Variants in CNTN6 observed in about 807,000 individuals in gnomAD.
The protein encoded by CNTN6 is contactin 6, also known as contactin-6.
A neutral mutation model predicts 122.8 loss-of-function variants in CNTN6; 137 were observed. The ratio of observed to expected loss-of-function variants is 1.12; its 90% CI spans 0.97 to 1.29. The LOEUF (loss-of-function observed/expected upper bound fraction) is 1.29. CNTN6 is among the 50% of genes most tolerant of loss of function. The probability of loss-of-function intolerance (pLI) is 0.00; values close to 1 mark genes in which losing one functional copy is unlikely to be tolerated. For missense variants in CNTN6, 1,634 were observed against 1,223.4 expected (o/e 1.34, Z -5.01); for synonymous variants, 570 against 426.0 (o/e 1.34, Z -4.16).
intron 15 of CNTN6, 26 bp from the exon 16 acceptor site, chr3:1,373,898 G>T: frequency 6.3e-7 from 1 of 1,593,272 alleles, no homozygotes; most frequent in Non-Finnish European, 8.6e-7. Flanking sequence ...CCCAACCTAG[G>T]TGCCTTAGTG....
chr3:1,218,833 T>C (rs1363971300), intron 2 of CNTN6, among the ~76,000 whole-genome samples: 1 of 152,048 alleles, frequency 6.6e-6, no homozygotes, highest in Non-Finnish European at 1.5e-5. Context: ...AATACCAATC[T>C]CTAATAAAGG....
At chr3:1,304,284 GT>G (rs758855417) in intron 7 of CNTN6, among the ~76,000 whole-genome samples, 3 of 108,530 alleles carry the variant, frequency 2.8e-5, no homozygotes, top group Non-Finnish European at 4.1e-5. Flanking sequence ...CCAGAAAGAG[GT>G]TTTTTTTTTC....
chr3:1,159,734 G>A (rs1160366664), intron 2 of CNTN6, among the ~76,000 whole-genome samples: 1 of 151,880 alleles, frequency 6.6e-6, no homozygotes, highest in Non-Finnish European at 1.5e-5. Flanking sequence ...GGAATCACTT[G>A]AGGACATTTA....
chr3:1,300,817 C>G (rs1697255289), intron 7 of CNTN6, among the ~76,000 whole-genome samples: 1 of 151,986 alleles, frequency 6.6e-6, no homozygotes, highest in Non-Finnish European at 1.5e-5. Flanking sequence ...CCCTCTCTCT[C>G]TTTCTTTCTC....
chr3:1,365,108 G>A (rs576673256), intron 12 of CNTN6, among the ~76,000 whole-genome samples: 2 of 151,976 alleles, frequency 1.3e-5, no homozygotes, highest in East Asian at 1.9e-4. Context: ...AAAATTGCAA[G>A]CACACACAGA....
intron 4 of CNTN6, among the ~76,000 whole-genome samples, chr3:1,254,470 T>C (rs1273803939): frequency 6.6e-6 from 1 of 152,218 alleles, no homozygotes; most frequent in African/African-American, 2.4e-5. Context: ...ATCCTGTTTT[T>C]TCAGGAACAA....
intron 20 of CNTN6, among the ~76,000 whole-genome samples, chr3:1,387,316 TTAGTTAACAATGAAGTTC>T (rs923894698): frequency 6.6e-6 from 1 of 152,096 alleles, no homozygotes; most frequent in African/African-American, 2.4e-5. Context: ...CAAGAATGGA[TTAGTTAACAATGAAGTTC>T]TATTCCTTTT....
chr3:1,320,279 A>G (rs1391525472), intron 7 of CNTN6, among the ~76,000 whole-genome samples: 1 of 151,684 alleles, frequency 6.6e-6, no homozygotes, highest in Admixed American at 6.6e-5. Context: ...TTTAGGGCAC[A>G]TTTTCTGACA....
chr3:1,386,551 G>T (rs1464632547), intron 20 of CNTN6, among the ~76,000 whole-genome samples: 1 of 152,194 alleles, frequency 6.6e-6, no homozygotes, highest in East Asian at 1.9e-4. Flanking sequence ...CATAATACGA[G>T]GCACAGCAAT....
At chr3:1,245,447 A>G (rs2094569819) in intron 4 of CNTN6, among the ~76,000 whole-genome samples, 1 of 147,002 alleles carries the variant, frequency 6.8e-6, no homozygotes, top group Non-Finnish European at 1.5e-5. Flanking sequence ...ATGGAAAATC[A>G]AACATCATAC....
chr3:1,298,324 A>G (rs758465582), intron 7 of CNTN6: 1 of 178,804 alleles, frequency 5.6e-6, no homozygotes, highest in Non-Finnish European at 1.2e-5. Flanking sequence ...AACCTTCCAC[A>G]TATCCTTCAC....
chr3:1,229,417 T>C (rs1040440565), intron 4 of CNTN6, among the ~76,000 whole-genome samples: 1 of 152,088 alleles, frequency 6.6e-6, no homozygotes, highest in Non-Finnish European at 1.5e-5. Flanking sequence ...TAAATTTGAC[T>C]CTTTGGTAAA....
chr3:1,103,809 A>C (rs2091076813), intron 1 of CNTN6, among the ~76,000 whole-genome samples: 1 of 152,172 alleles, frequency 6.6e-6, no homozygotes, highest in East Asian at 1.9e-4. Context: ...TGAAGTTTCA[A>C]GATTCACATA....
At chr3:1,152,703 C>G (rs940040527) in intron 2 of CNTN6, among the ~76,000 whole-genome samples, 5 of 151,692 alleles carry the variant, frequency 3.3e-5, no homozygotes, top group African/African-American at 9.7e-5. Flanking sequence ...AAATTTAGTT[C>G]CAATCTTTAA....
At chr3:1,097,954 T>G (rs1432302910) in intron 1 of CNTN6, among the ~76,000 whole-genome samples, 1 of 152,034 alleles carries the variant, frequency 6.6e-6, no homozygotes, top group Non-Finnish European at 1.5e-5. Flanking sequence ...AAATCATAAG[T>G]GGATATTAAA....
intron 2 of CNTN6, among the ~76,000 whole-genome samples, chr3:1,158,577 AT>A (rs150394865): frequency 2.0e-5 from 3 of 150,454 alleles, no homozygotes; most frequent in African/African-American, 2.4e-5. Flanking sequence ...CACAGACTCA[AT>A]TTTTTTTGGC....
At chr3:1,153,154 C>A (rs918690238) in intron 2 of CNTN6, among the ~76,000 whole-genome samples, 2 of 152,006 alleles carry the variant, frequency 1.3e-5, no homozygotes, top group African/African-American at 4.8e-5. Flanking sequence ...GGACTGAATA[C>A]CTATTTGGTT....
chr3:1,277,314 CT>C (rs1420118180), intron 4 of CNTN6, among the ~76,000 whole-genome samples: 1 of 147,028 alleles, frequency 6.8e-6, no homozygotes, highest in Admixed American at 6.9e-5. Flanking sequence ...ACCTTCTCCC[CT>C]GAATACTACT....
At chr3:1,397,278 A>G (rs1233785657) in intron 20 of CNTN6, among the ~76,000 whole-genome samples, 1 of 152,198 alleles carries the variant, frequency 6.6e-6, no homozygotes, top group Non-Finnish European at 1.5e-5. Flanking sequence ...TGAAGAAAAT[A>G]AATGAGAAAC....
Sources: allele counts gnomAD v4.1 joint callset (sites outside exome capture counted in the v4.1 genomes callset), GRCh38; gene constraint gnomAD v4.1.1; transcripts MANE v1.5; gene names NCBI Gene and HGNC (gene_info 2026-07-23, HGNC 2026-07-21).